ZNF10: variants seen among roughly 807,000 people sequenced by gnomAD.
The protein encoded by ZNF10 is zinc finger protein 10 (KOX 1).
In ZNF10, 8 loss-of-function variants were observed where a neutral mutation model predicts 12.2. That is an observed-to-expected ratio of 0.66 (90% CI 0.39 to 1.18). The LOEUF is 1.18. ZNF10 is among the 50% of genes most tolerant of loss of function. ZNF10 has a pLI of 0.01. For synonymous variants in ZNF10, 229 were observed against 228.2 expected (o/e 1.00, Z -0.03); for missense variants, 603 against 678.9 (o/e 0.89, Z 1.24).
rs139487623 is a variant in ZNF10 at position 133,155,650 on chromosome 12, A to G, written c.404A>G (p.Gln135Arg). The change falls in exon 5 of 5, where the codon CAG becomes CGG. Residue 135 changes from glutamine (Q) to arginine (R), a missense_variant. By Grantham distance (43) the Gln-to-Arg change is conservative (BLOSUM62 1). Transcript: ENST00000248211. ...SLEEVWKCRD[Q>R]LDKYQENPER... ...GAAGAAGTCTGGAAATGTAGAGACC[A>G]GTTAGACAAGTATCAGGAAAACCCA... 8.1e-6 allele frequency: 13 copies of G among 1,613,954 alleles called. No homozygotes were observed. Among genetic ancestry groups the G allele is most frequent in the Non-Finnish European group, 1.1e-5 (13 of 1,179,976 alleles).
intron 4 of ZNF10, among the ~76,000 whole-genome samples, chr12:133,152,475 C>T (rs1433287235): frequency 6.6e-6 from 1 of 152,118 alleles, no homozygotes. Flanking sequence ...AGTGTAGTGG[C>T]GCGATCTAGG....
rs1397392352 is a variant in ZNF10, at chr12:133,159,324, A to G, written c.*2356A>G. The G allele has an allele frequency of 6.6e-6, 1 of 152,252 alleles. No homozygotes were observed. The highest frequency in any genetic ancestry group is 1.5e-5 in the Non-Finnish European group (1 of 68,040). 9.4% of individuals were successfully genotyped at this position (152,252 alleles called of 1,614,324 possible). A position where few individuals can be genotyped will look rare whatever the true frequency, so the allele number is the denominator to read the frequency against. On this transcript the variant is annotated 3_prime_UTR_variant, in exon 5 of 5. Transcript: ENST00000248211. The stretch of plus-strand genomic sequence containing the variant: ...TGGCATATCCGTGTAATGGAAGATT[A>G]TGCAGGCATTAAAATATGTACACAA...
intron 1 of ZNF10, among the ~76,000 whole-genome samples, chr12:133,138,192 G>C (rs1233274011): frequency 6.6e-6 from 1 of 152,148 alleles, no homozygotes; most frequent in Non-Finnish European, 1.5e-5. Context: ...AAAGGTTTGA[G>C]TGAGTTATCT....
intron 1 of ZNF10, among the ~76,000 whole-genome samples, chr12:133,142,785 T>A (rs1309130913): frequency 6.6e-6 from 1 of 152,198 alleles, no homozygotes; most frequent in African/African-American, 2.4e-5. Context: ...GGAAAACAAT[T>A]TGTTGGTTCC....
At chr12:133,153,588 C>A (rs1956021233) in intron 4 of ZNF10, among the ~76,000 whole-genome samples, 1 of 152,018 alleles carries the variant, frequency 6.6e-6, no homozygotes, top group South Asian at 2.1e-4. Context: ...TATTAAAAAT[C>A]ATCAGGATGG....
chr12:133,155,966 C>G lies in ZNF10; in HGVS notation c.720C>G (p.Cys240Trp). ...ACACAGGTGATAAATCCTACAAATG[C>G]CCTGATAATGACAACTCTCTTACTC... is the stretch of plus-strand genomic sequence containing the variant. ...RTHTGDKSYK[C>W]PDNDNSLTHG... is the part of the protein sequence containing the mutation. Residue 240 changes from cysteine to tryptophan, a missense_variant, in exon 5 of 5, where the codon TGC (cysteine) becomes TGG (tryptophan). Coordinates refer to ENST00000248211, the MANE Select transcript of ZNF10 (RefSeq NM_015394.5). The G allele has an allele frequency of 6.2e-7, 1 of 1,614,014 alleles. No individual in the cohort carries two copies. Among genetic ancestry groups the G allele is most frequent in the Non-Finnish European group, 8.5e-7 (1 of 1,180,012 alleles).
chr12:133,147,057 T>C lies in ZNF10; in HGVS notation c.33+2532T>C, dbSNP rs1593843740. 3.3e-5 allele frequency among the ~76,000 whole-genome samples: 5 copies of C among 152,152 alleles called. No homozygotes were observed. The South Asian group carries it at 1.0e-3, about 32-fold the overall frequency. On this transcript the variant is annotated intron_variant, in intron 2 of 4. Coordinates refer to ENST00000248211, the MANE Select transcript of ZNF10 (RefSeq NM_015394.5). ...TTCATATAGCATAATGTATCGGAGG[T>C]TCATCTGTTGTTGCATGAGTCAGTA...
chr12:133,136,052 G>A (rs911424894), intron 1 of ZNF10, among the ~76,000 whole-genome samples: 1 of 151,912 alleles, frequency 6.6e-6, no homozygotes, highest in African/African-American at 2.4e-5. Flanking sequence ...TTTCTTTTTT[G>A]ACTCACATTT....
chr12:133,145,348 A>G (rs1955969225), intron 2 of ZNF10, among the ~76,000 whole-genome samples: 1 of 152,210 alleles, frequency 6.6e-6, no homozygotes, highest in Non-Finnish European at 1.5e-5. Flanking sequence ...CCTTCTTGGC[A>G]TGTCTGTACA....
intron 1 of ZNF10, among the ~76,000 whole-genome samples, chr12:133,140,263 A>G (rs559226625): frequency 1.4e-5 from 2 of 147,356 alleles, no homozygotes; most frequent in African/African-American, 2.5e-5. Flanking sequence ...CTGTAGTTCT[A>G]TCTACTTGGG....
chr12:133,149,077 A>AGTT (rs1000192111), intron 2 of ZNF10, among the ~76,000 whole-genome samples: 7 of 151,172 alleles, frequency 4.6e-5, no homozygotes, highest in African/African-American at 1.7e-4. Flanking sequence ...GGTAGCAGAT[A>AGTT]GTTGAGGCTT....
Position 133,156,255 on chromosome 12 carries a change from G to A in ZNF10, c.1009G>A (p.Val337Ile), listed in dbSNP as rs563632728. The A allele has an allele frequency of 1.3e-5, 21 of 1,614,064 alleles. No homozygotes were observed. In the East Asian group the frequency reaches 4.5e-4, roughly 34 times the overall value. The change falls in exon 5 of 5, where the codon GTT becomes ATT. Residue 337 changes from valine to isoleucine, a missense_variant. Around this residue, in one of 3 missense-constraint regions of ZNF10, gnomAD observed 393 missense variants for 399.7 expected, o/e 0.98. Transcript: ENST00000248211. Reference protein sequence around the residue: ...GKSFSWFSHLVTHQRTHTGDK... With the variant: ...GKSFSWFSHLITHQRTHTGDK... ...ATCCTTCAGCTGGTTCTCTCACCTT[G>A]TTACTCATCAGAGAACTCATACAGG...
chr12:133,150,002 T>C (rs1359463036), intron 2 of ZNF10, among the ~76,000 whole-genome samples: 1 of 152,220 alleles, frequency 6.6e-6, no homozygotes, highest in Non-Finnish European at 1.5e-5. Flanking sequence ...TGTGGGTCCC[T>C]TTACATTCCT....
intron 1 of ZNF10, among the ~76,000 whole-genome samples, chr12:133,141,000 G>T (rs1358600307): frequency 6.6e-6 from 1 of 152,122 alleles, no homozygotes; most frequent in East Asian, 1.9e-4. Context: ...AGGATTATTG[G>T]GAACAGTATC....
chr12:133,149,600 A>G (rs1303637501), intron 2 of ZNF10, among the ~76,000 whole-genome samples: 1 of 149,352 alleles, frequency 6.7e-6, no homozygotes, highest in Non-Finnish European at 1.5e-5. Flanking sequence ...CAAGTGATCC[A>G]CCTACCTCAG....
At chr12:133,136,435 C>G (rs1955912038) in intron 1 of ZNF10, among the ~76,000 whole-genome samples, 1 of 152,188 alleles carries the variant, frequency 6.6e-6, no homozygotes, top group Non-Finnish European at 1.5e-5. Context: ...TTATCTAACT[C>G]TATTTTGATC....
rs146221209 is a variant in ZNF10 at position 133,148,400 on chromosome 12, C to T, written c.34-2628C>T. Among the ~76,000 whole-genome samples, 651 of 152,278 alleles carry T rather than the reference C, an allele frequency of 4.3e-3. 4 individuals carry two copies. The highest frequency in any genetic ancestry group is 0.015 in the African/African-American group (626 of 41,554). ...CCTCCCAGAGTGCTGGGATTACAGG[C>T]GTGAGCCACCATGCCTGACCTATCA... On this transcript the variant is annotated intron_variant, in intron 2 of 4. Coordinates refer to ENST00000248211, the MANE Select transcript of ZNF10 (RefSeq NM_015394.5).
intron 1 of ZNF10, among the ~76,000 whole-genome samples, chr12:133,134,073 G>C (rs1324043263): frequency 1.1e-4 from 17 of 150,748 alleles, no homozygotes; most frequent in Non-Finnish European, 1.2e-4. Context: ...CCAAGGTGGG[G>C]AGATCACCTG....
chr12:133,151,832 G>A lies in ZNF10; in HGVS notation c.184G>A (p.Val62Met), dbSNP rs148169785. ...AGGTTATCAGCTTACTAAGCCAGAT[G>A]TGATCCTCCGGTTGGAGAAGGGAGA... is the stretch of plus-strand genomic sequence containing the variant. ...SLGYQLTKPD[V>M]ILRLEKGEEP... Residue 62 changes from valine (V) to methionine (M), a missense_variant, in exon 4 of 5, where the codon GTG (valine) becomes ATG (methionine). Transcript: ENST00000248211. 2 of 1,613,292 alleles carry A rather than the reference G, an allele frequency of 1.2e-6. No homozygotes were observed. Among genetic ancestry groups the A allele is most frequent in the African/African-American group, 2.7e-5 (2 of 74,892 alleles).
Sources: gnomAD v4.1 joint callset for allele counts (sites outside exome capture counted in the v4.1 genomes callset) on GRCh38, gnomAD v4.1.1 for gene constraint, gnomAD v4.1.1 regional missense constraint, MANE v1.5 for transcripts, NCBI Gene and HGNC (gene_info 2026-07-23, HGNC 2026-07-21) for gene names.